The following SLC4A7 variants were observed in gnomAD, a reference collection of about 807,000 sequenced individuals.
SLC4A7 encodes the protein solute carrier family 4 member 7.
SLC4A7 carries 51 observed loss-of-function variants against 137.6 expected under a neutral mutation model. That is an observed-to-expected ratio of 0.37 (90% CI 0.30 to 0.47). The LOEUF (loss-of-function observed/expected upper bound fraction) is 0.47, where lower values mean the gene tolerates loss of function less well. Ranked by LOEUF, SLC4A7 falls within the 20% of genes least tolerant of loss-of-function variation. The pLI, the probability that SLC4A7 is intolerant of heterozygous loss-of-function variation, is 1.00. For synonymous variants in SLC4A7, 542 were observed against 518.6 expected, an observed-to-expected ratio of 1.05 and a Z score of -0.61; for missense variants, 1,247 against 1,525.4, an observed-to-expected ratio of 0.82 and a Z score of 3.04.
chr3:27,447,640 C>CTTT (rs71087609), intron 3 of SLC4A7, among the ~76,000 whole-genome samples: 2,360 of 99,244 alleles, frequency 0.024, 40 homozygotes, highest in Non-Finnish European at 0.029. Context: ...TTTTACAGCC[C>CTTT]TTTTTTTTTT....
At chr3:27,413,732 C>A (rs1375528132) in intron 11 of SLC4A7, among the ~76,000 whole-genome samples, 1 of 152,122 alleles carries the variant, frequency 6.6e-6, no homozygotes, top group Non-Finnish European at 1.5e-5. Flanking sequence ...TATATTTTGG[C>A]TCCAATGTCA....
chr3:27,401,361 T>C (rs537114045), intron 15 of SLC4A7, among the ~76,000 whole-genome samples: 1 of 152,324 alleles, frequency 6.6e-6, no homozygotes, highest in Non-Finnish European at 1.5e-5. Flanking sequence ...AAAAATAGTT[T>C]CTCATCAGGA....
At position 27,382,579 on chromosome 3, in the gene SLC4A7, G is replaced by A. The variant is rs182334438; in HGVS notation, c.3590+574C>T. On this transcript the variant is annotated intron_variant, in intron 24 of 25. Coordinates refer to ENST00000454389, the MANE Select transcript of SLC4A7 (RefSeq NM_001321103.2). ...TTTAAATATAAATCATCAAAATCAC[G>A]AATAATGAATTATACATAAAATATT... Among the ~76,000 whole-genome samples the A allele has an allele frequency of 4.5e-4, 69 of 152,010 alleles. No homozygotes were observed. In the Middle Eastern group the frequency reaches 0.01, roughly 22 times the overall value.
chr3:27,398,106 A>AAG, intron 17 of SLC4A7, 86 bp downstream of exon 17: 1 of 987,462 alleles, frequency 1.0e-6, no homozygotes, highest in Non-Finnish European at 1.5e-6. Flanking sequence ...AACCTCAAAA[A>AAG]ATATATTACT....
chr3:27,439,885 A>T (rs921061844), intron 3 of SLC4A7, among the ~76,000 whole-genome samples: 1 of 152,188 alleles, frequency 6.6e-6, no homozygotes, highest in Non-Finnish European at 1.5e-5. Flanking sequence ...GCTCTTTATC[A>T]GGTTAAGGAA....
intron 1 of SLC4A7, among the ~76,000 whole-genome samples, chr3:27,460,903 G>T (rs1195913611): frequency 6.6e-6 from 1 of 152,064 alleles, no homozygotes; most frequent in African/African-American, 2.4e-5. Flanking sequence ...GTGTCTAGAT[G>T]TATGTCTTTA....
rs1576266872 is a variant in SLC4A7 at position 27,407,337 on chromosome 3, C to T, written c.1941+2019G>A. Among the ~76,000 whole-genome samples the T allele has an allele frequency of 4.0e-5, 6 of 151,584 alleles. No individual in the cohort carries two copies. The South Asian group carries it at 1.0e-3, about 26-fold the overall frequency. On this transcript the variant is annotated intron_variant, in intron 13 of 25. Coordinates refer to ENST00000454389, the MANE Select transcript of SLC4A7 (RefSeq NM_001321103.2). ...TCTACTAAAAATACAAAAATGAGCC[C>T]GCCGTGGTGGTGGGCCCCTGTAGTC...
At position 27,431,333 on chromosome 3, in the gene SLC4A7, T is replaced by G; in HGVS notation, c.1115A>C (p.Glu372Ala). 3.7e-6 allele frequency: 6 copies of G among 1,606,918 alleles called. No individual in the cohort carries two copies. The Admixed American group carries it at 8.5e-5, about 23-fold the overall frequency. The change falls in exon 7 of 26, where the codon GAG (glutamate) becomes GCG (alanine). Residue 372 changes from glutamate to alanine, a missense_variant. Physicochemically the swap from Glu to Ala is moderately radical, Grantham distance 107. This residue lies in a region of SLC4A7 where 499 missense variants were observed against 664.2 expected (regional missense o/e 0.75). Transcript: ENST00000454389. ...EDLEAALKGE[E>A]QKNEENVDLT... is the part of the protein sequence containing the mutation. ...GTCAACATTTTCCTCATTCTTCTGC[T>G]CCTCGCCTTTCAGCGCTGCTTCTAA...
intron 3 of SLC4A7, among the ~76,000 whole-genome samples, chr3:27,440,748 A>C (rs2057124946): frequency 6.6e-6 from 1 of 151,018 alleles, no homozygotes; most frequent in African/African-American, 2.4e-5. Flanking sequence ...ACAAAAATAA[A>C]TAAATAAAAA....
chr3:27,413,662 A>G (rs1005461865), intron 11 of SLC4A7, among the ~76,000 whole-genome samples: 2 of 152,216 alleles, frequency 1.3e-5, no homozygotes, highest in African/African-American at 4.8e-5. Flanking sequence ...TTCTACATCA[A>G]TTTATATTTT....
At chr3:27,402,623 T>C in intron 15 of SLC4A7, among the ~76,000 whole-genome samples, 1 of 151,696 alleles carries the variant, frequency 6.6e-6, no homozygotes, top group South Asian at 2.1e-4. Flanking sequence ...CACTTGAACC[T>C]GGGAGGCAGA....
At chr3:27,479,748 T>C (rs2059632669) in intron 1 of SLC4A7, among the ~76,000 whole-genome samples, 1 of 152,224 alleles carries the variant, frequency 6.6e-6, no homozygotes, top group Non-Finnish European at 1.5e-5. Context: ...CTAAAAATAC[T>C]GTATGCATAA....
chr3:27,404,365 T>G (rs1176428480), intron 14 of SLC4A7, among the ~76,000 whole-genome samples: 2 of 152,280 alleles, frequency 1.3e-5, no homozygotes, highest in African/African-American at 2.4e-5. Context: ...AGATTCAGTC[T>G]CAAATAAATG....
intron 2 of SLC4A7, among the ~76,000 whole-genome samples, chr3:27,451,701 G>A (rs958679240): frequency 1.3e-5 from 2 of 152,090 alleles, no homozygotes; most frequent in Non-Finnish European, 2.9e-5. Context: ...AAGGCCATTA[G>A]TGGAAAAACT....
In SLC4A7 at chr3:27,373,523, C is replaced by T. The variant is rs2049700780; in HGVS notation, c.*3241G>A. On this transcript the variant is annotated 3_prime_UTR_variant, in exon 26 of 26. Coordinates refer to ENST00000454389, the MANE Select transcript of SLC4A7 (RefSeq NM_001321103.2). ...TTCATATAAACATTTTTAATTACAGCGTTATATCAATGGCTTACACAGTTG... is the reference window on the plus strand; with the variant it reads ...TTCATATAAACATTTTTAATTACAGTGTTATATCAATGGCTTACACAGTTG... 1 of 152,056 alleles carries T rather than the reference C, an allele frequency of 6.6e-6. No homozygotes were observed. Among genetic ancestry groups the T allele is most frequent in the Admixed American group, 6.6e-5 (1 of 15,254 alleles). 9.4% of individuals were successfully genotyped at this position (152,056 alleles called of 1,614,324 possible).
At chr3:27,446,874 T>G in intron 3 of SLC4A7, among the ~76,000 whole-genome samples, 1 of 127,472 alleles carries the variant, frequency 7.8e-6, no homozygotes, top group East Asian at 2.4e-4. Context: ...AGTTTTTTTT[T>G]GTTTTTTTTT....
chr3:27,394,100 C>G (rs1296578924), intron 20 of SLC4A7, among the ~76,000 whole-genome samples: 1 of 152,224 alleles, frequency 6.6e-6, no homozygotes, highest in Non-Finnish European at 1.5e-5. Context: ...CTCACTGCAG[C>G]CTTGACCTCC....
intron 11 of SLC4A7, among the ~76,000 whole-genome samples, chr3:27,414,635 C>T (rs1195747494): frequency 6.6e-6 from 1 of 152,160 alleles, no homozygotes; most frequent in Non-Finnish European, 1.5e-5. Context: ...AAGTCAAAAG[C>T]AATCCTGAAT....
chr3:27,383,317 T>C (rs1046713308), intron 23 of SLC4A7, 67 bp from the exon 24 acceptor site: 2 of 1,150,800 alleles, frequency 1.7e-6, no homozygotes, highest in Middle Eastern at 1.9e-4. Context: ...GACTAATTTA[T>C]AACATTTTAC....
Sources: gnomAD v4.1 joint callset for allele counts (sites outside exome capture counted in the v4.1 genomes callset) on GRCh38, gnomAD v4.1.1 for gene constraint, gnomAD v4.1.1 regional missense constraint, MANE v1.5 for transcripts, NCBI Gene and HGNC (gene_info 2026-07-23, HGNC 2026-07-21) for gene names.